The following GRIK2 variants were observed in gnomAD, a reference collection of about 807,000 sequenced individuals.
GRIK2 encodes glutamate ionotropic receptor kainate type subunit 2.
Under a neutral mutation model 100.3 loss-of-function variants are expected in GRIK2, and 32 were observed. The ratio of observed to expected loss-of-function variants is 0.32; its 90% confidence interval spans 0.24 to 0.43. GRIK2 has a LOEUF of 0.43. Ranked by LOEUF, GRIK2 falls within the 20% of genes least tolerant of loss-of-function variation. The pLI, the probability that GRIK2 is intolerant of heterozygous loss-of-function variation, is 1.00. For missense variants in GRIK2, 843 were observed against 1,114.9 expected, an observed-to-expected ratio of 0.76 and a Z score of 3.47; for synonymous variants, 417 against 389.4, an observed-to-expected ratio of 1.07 and a Z score of -0.83.
intron 10 of GRIK2, among the ~76,000 whole-genome samples, chr6:101,821,665 T>C (rs1327388508): frequency 6.6e-6 from 1 of 152,108 alleles, no homozygotes; most frequent in Non-Finnish European, 1.5e-5. Flanking sequence ...AAAAAAAAAT[T>C]CCTTTTTCTG....
intron 2 of GRIK2, among the ~76,000 whole-genome samples, chr6:101,550,609 G>A (rs974261864): frequency 1.3e-5 from 2 of 152,094 alleles, no homozygotes; most frequent in Non-Finnish European, 2.9e-5. Flanking sequence ...CAGGGGTTCC[G>A]AGCTGTCTTC....
intron 11 of GRIK2, among the ~76,000 whole-genome samples, chr6:101,868,205 T>TAAA (rs561914967): frequency 2.2e-5 from 3 of 136,646 alleles, no homozygotes; most frequent in African/African-American, 7.9e-5. Context: ...AAATGCTTCT[T>TAAA]AAAAAAAAAA....
intron 11 of GRIK2, among the ~76,000 whole-genome samples, chr6:101,875,245 A>G (rs78685426): frequency 0.011 from 1,598 of 151,956 alleles, 16 homozygotes; most frequent in South Asian, 0.051. Flanking sequence ...CCTTGTTGAT[A>G]GGTGCAATTA....
intron 2 of GRIK2, among the ~76,000 whole-genome samples, chr6:101,424,673 C>T (rs1181447703): frequency 6.6e-6 from 1 of 151,670 alleles, no homozygotes; most frequent in African/African-American, 2.4e-5. Flanking sequence ...CCCATTAACT[C>T]GTCATTTAGC....
At chr6:101,397,825 G>C (rs1348552543) in intron 1 of GRIK2, among the ~76,000 whole-genome samples, 4 of 151,926 alleles carry the variant, frequency 2.6e-5, no homozygotes, top group East Asian at 1.9e-4. Context: ...ATAAGATATA[G>C]GTCCAACAGT....
chr6:101,685,582 G>A (rs1771618952), intron 6 of GRIK2, among the ~76,000 whole-genome samples: 1 of 152,126 alleles, frequency 6.6e-6, no homozygotes, highest in African/African-American at 2.4e-5. Flanking sequence ...AAGGGCAACA[G>A]GCATAAAGTG....
intron 16 of GRIK2, among the ~76,000 whole-genome samples, chr6:102,066,177 C>G (rs924073963): frequency 6.6e-6 from 1 of 151,068 alleles, no homozygotes; most frequent in Non-Finnish European, 1.5e-5. Context: ...AAAGTTTTGC[C>G]TAATTTTATT....
At chr6:101,911,341 T>C (rs1337645862) in intron 12 of GRIK2, among the ~76,000 whole-genome samples, 1 of 151,560 alleles carries the variant, frequency 6.6e-6, no homozygotes, top group African/African-American at 2.4e-5. Flanking sequence ...ACCAAATTGG[T>C]ATTACATTTC....
chr6:101,626,406 G>A lies in GRIK2; in HGVS notation c.310G>A (p.Ala104Thr). The A allele has an allele frequency of 6.2e-7, 1 of 1,612,838 alleles. No homozygotes were observed. Among genetic ancestry groups the A allele is most frequent in the Non-Finnish European group, 8.5e-7 (1 of 1,179,704 alleles). The stretch of plus-strand genomic sequence containing the variant: ...CTGTGATCAGCTGTCTCTTGGGGTG[G>A]CTGCCATCTTCGGGCCTTCACACAG... ...KACDQLSLGV[A>T]AIFGPSHSSS... Residue 104 changes from alanine (A) to threonine (T), a missense_variant, in exon 4 of 17, where the codon GCT becomes ACT. Transcript: ENST00000369134.
chr6:101,872,822 T>C (rs758533764), intron 11 of GRIK2, among the ~76,000 whole-genome samples: 4 of 151,950 alleles, frequency 2.6e-5, no homozygotes, highest in Non-Finnish European at 5.9e-5. Context: ...ATGTCTGTTT[T>C]CAATGAGAAT....
intron 2 of GRIK2, among the ~76,000 whole-genome samples, chr6:101,464,617 C>T (rs1276501402): frequency 7.1e-6 from 1 of 140,358 alleles, no homozygotes; most frequent in African/African-American, 2.6e-5. Flanking sequence ...CTCGGGTTCA[C>T]GCCATTCTCC....
intron 14 of GRIK2, among the ~76,000 whole-genome samples, chr6:102,026,670 T>G (rs762976208): frequency 6.6e-6 from 1 of 151,240 alleles, no homozygotes; most frequent in Non-Finnish European, 1.5e-5. Context: ...TATCCTATTA[T>G]GCTTAGTCAC....
chr6:101,634,746 A>ATATTTACCAAATTGAGACTAT (rs1205081960), intron 4 of GRIK2, among the ~76,000 whole-genome samples: 1 of 152,028 alleles, frequency 6.6e-6, no homozygotes, highest in Non-Finnish European at 1.5e-5. Flanking sequence ...AGAAATAGTA[A>ATATTTACCAAATTGAGACTAT]TATTTACCAA....
intron 12 of GRIK2, among the ~76,000 whole-genome samples, chr6:101,919,710 G>C (rs1178809033): frequency 6.6e-6 from 1 of 151,708 alleles, no homozygotes; most frequent in South Asian, 2.1e-4. Context: ...TCTGTTAGTG[G>C]GGCAGAGAGT....
chr6:101,783,006 G>A lies in GRIK2; in HGVS notation c.952-16642G>A, dbSNP rs556435934. Among the ~76,000 whole-genome samples the A allele has an allele frequency of 9.9e-5, 15 of 151,830 alleles. No homozygotes were observed. In the South Asian group the frequency reaches 2.7e-3, roughly 27 times the overall value. On this transcript the variant is annotated intron_variant, in intron 7 of 16. Coordinates refer to ENST00000369134, the MANE Select transcript of GRIK2 (RefSeq NM_021956.5). ...TGAGTAGGTGGGACTACAGGCACCC[G>A]CCACCATGCCCGGCTAATTTTTTTT...
chr6:101,790,993 A>T (rs367691220), intron 7 of GRIK2, among the ~76,000 whole-genome samples: 1 of 151,450 alleles, frequency 6.6e-6, no homozygotes, highest in African/African-American at 2.4e-5. Context: ...GTTTATTTGC[A>T]TAGAGGTGTT....
intron 7 of GRIK2, among the ~76,000 whole-genome samples, chr6:101,734,963 T>C (rs973453281): frequency 6.6e-6 from 1 of 152,004 alleles, no homozygotes; most frequent in African/African-American, 2.4e-5. Flanking sequence ...TTTTGAAATA[T>C]AGTGAGAGAT....
chr6:101,399,514 T>A, intron 2 of GRIK2, 122 bp downstream of exon 2: 1 of 661,674 alleles, frequency 1.5e-6, no homozygotes, highest in East Asian at 2.6e-5. Context: ...TGCTCTGTCG[T>A]CTCCTGGGGC....
At chr6:101,873,211 C>T (rs1292099739) in intron 11 of GRIK2, among the ~76,000 whole-genome samples, 2 of 151,624 alleles carry the variant, frequency 1.3e-5, no homozygotes, top group African/African-American at 4.8e-5. Context: ...TCCTCATTTA[C>T]ATTAGGTATA....
Sources: gnomAD v4.1 joint callset for allele counts (sites outside exome capture counted in the v4.1 genomes callset) on GRCh38, gnomAD v4.1.1 for gene constraint, MANE v1.5 for transcripts, NCBI Gene and HGNC (gene_info 2026-07-23, HGNC 2026-07-21) for gene names.